The following NBEA variants were observed in gnomAD, a reference collection of about 807,000 sequenced individuals.
NBEA encodes neurobeachin.
Under a neutral mutation model 343.4 loss-of-function variants are expected in NBEA, and 44 were observed. The ratio of observed to expected loss-of-function variants is 0.13; its 90% CI spans 0.10 to 0.16. NBEA has a LOEUF of 0.16. Ranked by LOEUF, NBEA falls within the 10% of genes least tolerant of loss-of-function variation. The pLI is 1.00. For missense variants in NBEA, 2,555 were observed against 3,631.3 expected (o/e 0.70, Z 7.62); for synonymous variants, 1,175 against 1,238.7 (o/e 0.95, Z 1.08).
chr13:35,599,162 A>G (rs1593328313), intron 47 of NBEA, among the ~76,000 whole-genome samples: 1 of 151,988 alleles, frequency 6.6e-6, no homozygotes, highest in African/African-American at 2.4e-5. Context: ...GATCTTCCAG[A>G]CCCCACCAGG....
chr13:35,261,185 A>G (rs781233552), intron 34 of NBEA, among the ~76,000 whole-genome samples: 1 of 152,132 alleles, frequency 6.6e-6, no homozygotes, highest in Non-Finnish European at 1.5e-5. Flanking sequence ...AAAGACAAGG[A>G]TTGTCAGCTA....
chr13:35,603,678 C>T (rs1355797280), intron 47 of NBEA, among the ~76,000 whole-genome samples: 4 of 152,148 alleles, frequency 2.6e-5, no homozygotes, highest in Admixed American at 1.3e-4. Flanking sequence ...TCTGTAGCCT[C>T]GTTGTAGAGA....
intron 36 of NBEA, among the ~76,000 whole-genome samples, chr13:35,329,364 A>G (rs1046274883): frequency 2.6e-5 from 4 of 151,934 alleles, no homozygotes; most frequent in African/African-American, 9.7e-5. Context: ...GAAATGAAAA[A>G]TAAGTCCACA....
intron 34 of NBEA, among the ~76,000 whole-genome samples, chr13:35,278,207 G>A (rs1262633124): frequency 2.7e-5 from 4 of 150,912 alleles, no homozygotes; most frequent in Non-Finnish European, 5.9e-5. Context: ...AATAGAAGGA[G>A]AGTTTGGGTG....
intron 44 of NBEA, among the ~76,000 whole-genome samples, chr13:35,562,686 C>T (rs2079916613): frequency 6.6e-6 from 1 of 152,056 alleles, no homozygotes; most frequent in Non-Finnish European, 1.5e-5. Context: ...ACTTGAACTG[C>T]TTGCTTCTAG....
In NBEA at chr13:35,358,487, T is replaced by C. The variant is rs550532688; in HGVS notation, c.6179+6164T>C. Reference sequence around the variant, plus strand: ...ATCCCAGCACTTTGGGAGGCTGAGGTGGGCAGATTACTTTGAGGTTAGGAG... The same window carrying C: ...ATCCCAGCACTTTGGGAGGCTGAGGCGGGCAGATTACTTTGAGGTTAGGAG... On this transcript the variant is annotated intron_variant, in intron 38 of 58. Transcript: ENST00000379939. Among the ~76,000 whole-genome samples the C allele has an allele frequency of 9.8e-4, 148 of 151,594 alleles. No homozygotes were observed. In the Middle Eastern group the frequency reaches 0.01, roughly 10 times the overall value.
intron 13 of NBEA, among the ~76,000 whole-genome samples, chr13:35,113,395 T>A (rs1181012949): frequency 6.6e-6 from 1 of 152,136 alleles, no homozygotes; most frequent in African/African-American, 2.4e-5. Context: ...AATTAATAAG[T>A]ATTTGGTGGA....
Position 35,029,104 on chromosome 13 carries a change from G to A in NBEA, c.295-11829G>A, listed in dbSNP as rs572191844. ...TGTTCAGTTACAGCAATGGTGAGAG[G>A]ACAATTTTCTCAGAAACTTTTCTTG... On this transcript the variant is annotated intron_variant, in intron 1 of 58. Transcript: ENST00000379939. 9.9e-5 allele frequency among the ~76,000 whole-genome samples: 15 copies of A among 151,324 alleles called. No homozygotes were observed. The South Asian group carries it at 1.9e-3, about 19-fold the overall frequency.
intron 10 of NBEA, among the ~76,000 whole-genome samples, chr13:35,082,838 A>G (rs2064496550): frequency 6.6e-6 from 1 of 151,992 alleles, no homozygotes; most frequent in South Asian, 2.1e-4. Flanking sequence ...AGATGAGTAG[A>G]TTGCAAAAAT....
chr13:35,400,860 T>A (rs1020911002), intron 38 of NBEA, among the ~76,000 whole-genome samples: 7 of 151,784 alleles, frequency 4.6e-5, no homozygotes, highest in South Asian at 2.1e-4. Flanking sequence ...CTTTTTTTTT[T>A]AATGGGAGTT....
At chr13:35,414,751 TG>T (rs1420908082) in intron 38 of NBEA, among the ~76,000 whole-genome samples, 1 of 152,202 alleles carries the variant, frequency 6.6e-6, no homozygotes, top group Non-Finnish European at 1.5e-5. Context: ...TGCCCAGTAA[TG>T]GGATGGCTGG....
At chr13:35,089,739 G>C (rs1485299915) in intron 10 of NBEA, among the ~76,000 whole-genome samples, 1 of 137,654 alleles carries the variant, frequency 7.3e-6, no homozygotes, top group South Asian at 2.4e-4. Flanking sequence ...CATAAAAAAT[G>C]ATGAGTTCAT....
intron 49 of NBEA, among the ~76,000 whole-genome samples, chr13:35,633,367 G>T (rs2083552087): frequency 2.0e-5 from 3 of 150,908 alleles, no homozygotes; most frequent in African/African-American, 7.3e-5. Flanking sequence ...CTTCCAAAGT[G>T]CTGGGATTAC....
intron 30 of NBEA, among the ~76,000 whole-genome samples, chr13:35,192,563 ATG>A (rs1323264946): frequency 6.6e-6 from 1 of 151,966 alleles, no homozygotes; most frequent in Non-Finnish European, 1.5e-5. Context: ...TTTTAGTACT[ATG>A]TAAATATTTT....
intron 47 of NBEA, among the ~76,000 whole-genome samples, chr13:35,595,291 G>GT (rs1427639273): frequency 6.6e-6 from 1 of 151,902 alleles, no homozygotes; most frequent in Admixed American, 6.6e-5. Context: ...TAACTTGGGA[G>GT]TTTTTTTGTT....
intron 45 of NBEA, among the ~76,000 whole-genome samples, chr13:35,571,023 A>C (rs1249760745): frequency 6.6e-6 from 1 of 152,152 alleles, no homozygotes; most frequent in Non-Finnish European, 1.5e-5. Flanking sequence ...GAATGATATG[A>C]CCAAGAACAT....
At chr13:35,607,265 C>T (rs1386436643) in intron 48 of NBEA, among the ~76,000 whole-genome samples, 2 of 152,078 alleles carry the variant, frequency 1.3e-5, no homozygotes, top group African/African-American at 2.4e-5. Context: ...CTATGTTGCA[C>T]GCACTGATCT....
intron 56 of NBEA, 44 bp downstream of exon 56, chr13:35,665,230 G>C: frequency 1.4e-6 from 2 of 1,436,576 alleles, no homozygotes; most frequent in Non-Finnish European, 1.9e-6. Flanking sequence ...GAAGATGACT[G>C]TTTTCTCACA....
intron 39 of NBEA, among the ~76,000 whole-genome samples, chr13:35,440,508 G>A (rs933513557): frequency 3.3e-5 from 5 of 152,164 alleles, no homozygotes; most frequent in East Asian, 1.9e-4. Context: ...AGCTGGAGTC[G>A]AAAGGATGAA....
Sources: gnomAD v4.1 joint callset for allele counts (sites outside exome capture counted in the v4.1 genomes callset) on GRCh38, gnomAD v4.1.1 for gene constraint, MANE v1.5 for transcripts, NCBI Gene and HGNC (gene_info 2026-07-23, HGNC 2026-07-21) for gene names.